SEPTIN6: variants seen among roughly 807,000 people sequenced by gnomAD.
SEPTIN6 encodes the protein septin 6, also known as septin-6.
SEPTIN6 carries 8 observed loss-of-function variants against 33.6 expected under a neutral mutation model. The ratio of observed to expected loss-of-function variants is 0.24; its 90% CI spans 0.14 to 0.43. SEPTIN6 has a LOEUF of 0.43. Among genes scored for constraint, SEPTIN6 ranks in the 20% least tolerant of loss-of-function variants. The pLI is 1.00. For missense variants in SEPTIN6, 250 were observed against 340.8 expected, an observed-to-expected ratio of 0.73 and a Z score of 2.10; for synonymous variants, 131 against 140.0, an observed-to-expected ratio of 0.94 and a Z score of 0.45.
chrX:119,623,639 A>G (rs1378549449), intron 10 of SEPTIN6, among the ~76,000 whole-genome samples: 1 of 112,167 alleles, frequency 8.9e-6, no homozygotes, highest in Non-Finnish European at 1.9e-5. Context: ...GGAGTTTGAG[A>G]CCAGCCTGGG....
At position 119,617,799 on chromosome X, in the gene SEPTIN6, A is replaced by G; in HGVS notation, c.*2294T>C. 2.5e-6 allele frequency: 2 copies of G among 787,818 alleles called. No homozygotes were observed. Among genetic ancestry groups the G allele is most frequent in the Non-Finnish European group, 3.1e-6 (2 of 654,587 alleles). The allele number at this position is 787,818 out of a possible 1,213,427, so 64.9% of individuals were successfully genotyped here. On this transcript the variant is annotated 3_prime_UTR_variant, in exon 11 of 11. Coordinates refer to ENST00000394610, the MANE Select transcript of SEPTIN6 (RefSeq NM_145799.4). ...CTTCATTTCCCCTTACGGAGTAAGT[A>G]GGTTATATCGTCTTACTGACTAAAA... is the stretch of plus-strand genomic sequence containing the variant.
chrX:119,625,278 G>A (rs2053841651), intron 10 of SEPTIN6, 57 bp downstream of exon 10: 3 of 827,281 alleles, frequency 3.6e-6, no homozygotes, highest in Non-Finnish European at 5.5e-6. Flanking sequence ...GTGCGGGATT[G>A]GGGGAGATAT....
chrX:119,632,730 C>A (rs1176558126), intron 8 of SEPTIN6, among the ~76,000 whole-genome samples: 1 of 111,171 alleles, frequency 9.0e-6, no homozygotes, highest in Non-Finnish European at 1.9e-5. Flanking sequence ...CAGATTCAAG[C>A]GATTCTCCTG....
At chrX:119,647,483 C>CTCTCTTTTTT (rs376139472) in intron 5 of SEPTIN6, among the ~76,000 whole-genome samples, 2 of 74,409 alleles carry the variant, frequency 2.7e-5, no homozygotes, top group African/African-American at 1.2e-4. Context: ...TTCTCTCTCT[C>CTCTCTTTTTT]TTTTTTTTTT....
chrX:119,629,296 C>T, intron 9 of SEPTIN6, 22 bp downstream of exon 9: 1 of 1,202,971 alleles, frequency 8.3e-7, no homozygotes, highest in Non-Finnish European at 1.1e-6. Flanking sequence ...AAGGCACCAC[C>T]CCAGAGCAGC....
At chrX:119,663,940 G>A (rs1401590178) in intron 2 of SEPTIN6, among the ~76,000 whole-genome samples, 1 of 111,255 alleles carries the variant, frequency 9.0e-6, no homozygotes, top group Non-Finnish European at 1.9e-5. Flanking sequence ...TCTGTCATTT[G>A]GAAATTTTAC....
rs1328318895 is a variant in SEPTIN6, at chrX:119,637,021, C to T, written c.956+6G>A. On this transcript the variant is annotated splice_donor_region_variant and intron_variant, in intron 7 of 10. Transcript: ENST00000394610. ...CTGGGCTGGGCTGGGCTGGCAGGAG[C>T]GGTACCTGAAGGGTTTGCTGTCAGG... is the stretch of plus-strand genomic sequence containing the variant. 7.5e-6 allele frequency: 9 copies of T among 1,205,244 alleles called. No homozygotes were observed. In the Admixed American group the frequency reaches 8.8e-5, roughly 12 times the overall value.
At chrX:119,674,322 C>T (rs58046714) in intron 2 of SEPTIN6, among the ~76,000 whole-genome samples, 12,820 of 109,240 alleles carry the variant, frequency 0.12, 567 homozygotes, top group South Asian at 0.26. Context: ...TACAGGCGCC[C>T]GCCACCGTGC....
intron 5 of SEPTIN6, among the ~76,000 whole-genome samples, chrX:119,648,724 T>G (rs915437924): frequency 9.0e-6 from 1 of 111,319 alleles, no homozygotes; most frequent in African/African-American, 3.3e-5. Flanking sequence ...TCATAGGAGG[T>G]GGCAGCTGAA....
chrX:119,617,778 A>C lies in SEPTIN6; in HGVS notation c.*2315T>G. The stretch of plus-strand genomic sequence containing the variant: ...AGTCCCTTCCCTTCTCTGGGCCTTC[A>C]TTTCCCCTTACGGAGTAAGTAGGTT... On this transcript the variant is annotated 3_prime_UTR_variant, in exon 11 of 11. Transcript: ENST00000394610. The C allele has an allele frequency of 1.3e-6, 1 of 785,722 alleles. No homozygotes were observed. The highest frequency in any genetic ancestry group is 1.5e-6 in the Non-Finnish European group (1 of 652,317). The allele number at this position is 785,722 out of a possible 1,213,427, so 64.8% of individuals were successfully genotyped here. A position where few individuals can be genotyped will look rare whatever the true frequency, so the allele number is the denominator to read the frequency against.
intron 10 of SEPTIN6, among the ~76,000 whole-genome samples, chrX:119,620,485 AT>A (rs755273253): frequency 1.5e-4 from 16 of 108,065 alleles, no homozygotes; most frequent in East Asian, 8.8e-4. Flanking sequence ...CACCCGGCTA[AT>A]TTTTTTGTAT....
At chrX:119,686,589 T>C (rs1042353914) in intron 1 of SEPTIN6, 1 of 968,007 alleles carries the variant, frequency 1.0e-6, no homozygotes. Context: ...CCTTCCTCTG[T>C]GCAGGCGGCA....
At chrX:119,622,036 AAACAAAACAAC>A (rs902178270) in intron 10 of SEPTIN6, among the ~76,000 whole-genome samples, 2 of 89,922 alleles carry the variant, frequency 2.2e-5, no homozygotes, top group African/African-American at 6.8e-5. Context: ...ACAAAAACAA[AAACAAAACAAC>A]AACAACAAAA....
chrX:119,619,939 G>T lies in SEPTIN6; in HGVS notation c.*154C>A. 1.7e-6 allele frequency: 2 copies of T among 1,172,369 alleles called. No individual in the cohort carries two copies. Among genetic ancestry groups the T allele is most frequent in the Non-Finnish European group, 2.3e-6 (2 of 880,033 alleles). The stretch of plus-strand genomic sequence containing the variant: ...GTTTCTATAAACCTTGGCAGGAAGA[G>T]AGGAGAGGGCGCGGGTTGGATTGTA... On this transcript the variant is annotated 3_prime_UTR_variant, in exon 11 of 11. Transcript: ENST00000394610.
At chrX:119,672,989 T>G (rs1274602782) in intron 2 of SEPTIN6, among the ~76,000 whole-genome samples, 1 of 111,895 alleles carries the variant, frequency 8.9e-6, no homozygotes, top group African/African-American at 3.3e-5. Flanking sequence ...AACAAGGACA[T>G]GCATAGTAGA....
At chrX:119,668,282 C>T (rs775655297) in intron 2 of SEPTIN6, among the ~76,000 whole-genome samples, 19 of 106,437 alleles carry the variant, frequency 1.8e-4, no homozygotes, top group Non-Finnish European at 3.3e-4. Flanking sequence ...GGCGACAGAG[C>T]GAGATCCTGT....
At chrX:119,632,053 G>A (rs1000794338) in intron 8 of SEPTIN6, among the ~76,000 whole-genome samples, 4 of 109,399 alleles carry the variant, frequency 3.7e-5, no homozygotes, top group African/African-American at 1.0e-4. Flanking sequence ...GAGCAACTGC[G>A]CCCAGCCAAT....
chrX:119,666,611 C>G (rs1408217525), intron 2 of SEPTIN6, among the ~76,000 whole-genome samples: 1 of 111,320 alleles, frequency 9.0e-6, no homozygotes, highest in East Asian at 2.8e-4. Flanking sequence ...ACCCGGCCCC[C>G]CAGCCCAATT....
intron 5 of SEPTIN6, among the ~76,000 whole-genome samples, chrX:119,644,703 C>T (rs188230863): frequency 0.012 from 1,262 of 109,429 alleles, 11 homozygotes; most frequent in Middle Eastern, 0.042. Context: ...AAAAATTAGC[C>T]GGGCGTGGTG....
Sources: allele counts gnomAD v4.1 joint callset (sites outside exome capture counted in the v4.1 genomes callset), GRCh38; gene constraint gnomAD v4.1.1; transcripts MANE v1.5; gene names NCBI Gene and HGNC (gene_info 2026-07-23, HGNC 2026-07-21).